NRXN3: variants seen among roughly 807,000 people sequenced by gnomAD.
The protein encoded by NRXN3 is neurexin 3, also known as neurexin III.
A neutral mutation model predicts 137.6 loss-of-function variants in NRXN3; 32 were observed. The ratio of observed to expected loss-of-function variants is 0.23; its 90% CI spans 0.18 to 0.31. The LOEUF (loss-of-function observed/expected upper bound fraction) is 0.31. NRXN3 is among the 10% of genes least tolerant of loss of function. NRXN3 has a pLI of 1.00. For missense variants in NRXN3, 1,574 were observed against 2,062.5 expected (o/e 0.76, Z 4.59); for synonymous variants, 798 against 784.5 (o/e 1.02, Z -0.29).
intron 2 of NRXN3, among the ~76,000 whole-genome samples, chr14:78,269,021 A>T (rs1471996653): frequency 6.6e-6 from 1 of 152,194 alleles, no homozygotes; most frequent in African/African-American, 2.4e-5. Context: ...AACGAATGAT[A>T]TAGCACTCTG....
rs1243436689 is a variant in NRXN3, at chr14:79,048,955, G to A, written c.3262+60814G>A. On this transcript the variant is annotated intron_variant, in intron 15 of 20. Coordinates refer to ENST00000335750, the MANE Select transcript of NRXN3 (RefSeq NM_001330195.2). ...GGAGAATGGCGTGAACCCGGGAGGC[G>A]GAGCTTGCAGTGAGTCGAGATCGCG... Among the ~76,000 whole-genome samples, 11 of 135,640 alleles carry A rather than the reference G, an allele frequency of 8.1e-5. No individual in the cohort carries two copies. The East Asian group carries it at 2.5e-3, about 31-fold the overall frequency. 89.0% of individuals were successfully genotyped at this position (135,640 alleles called of 152,430 possible). A position where few individuals can be genotyped will look rare whatever the true frequency, so the allele number is the denominator to read the frequency against.
intron 16 of NRXN3, among the ~76,000 whole-genome samples, chr14:79,626,188 T>G (rs1165072354): frequency 2.0e-5 from 3 of 151,256 alleles, no homozygotes; most frequent in Non-Finnish European, 4.4e-5. Context: ...TCATCTCAAG[T>G]CTATCCTTTG....
chr14:79,734,939 A>G (rs2098936808), intron 19 of NRXN3, among the ~76,000 whole-genome samples: 1 of 152,188 alleles, frequency 6.6e-6, no homozygotes, highest in African/African-American at 2.4e-5. Context: ...CAGTTGAAGA[A>G]TTCTTATTAA....
chr14:78,550,295 GC>G (rs2096674674), intron 4 of NRXN3, among the ~76,000 whole-genome samples: 1 of 152,090 alleles, frequency 6.6e-6, no homozygotes, highest in Non-Finnish European at 1.5e-5. Context: ...CTCCCACAGT[GC>G]TGGGATGATA....
At chr14:78,621,771 G>T (rs1026100487) in intron 4 of NRXN3, among the ~76,000 whole-genome samples, 11 of 152,158 alleles carry the variant, frequency 7.2e-5, no homozygotes, top group Non-Finnish European at 5.9e-5. Context: ...ACTTGCATCT[G>T]CGGTTTGCTG....
At chr14:78,951,612 A>G (rs1320834487) in intron 10 of NRXN3, among the ~76,000 whole-genome samples, 1 of 151,992 alleles carries the variant, frequency 6.6e-6, no homozygotes, top group Non-Finnish European at 1.5e-5. Context: ...AAATTATCTC[A>G]TGTTCCTTAA....
intron 15 of NRXN3, among the ~76,000 whole-genome samples, chr14:79,125,549 A>G (rs561274718): frequency 3.3e-5 from 5 of 152,136 alleles, no homozygotes; most frequent in African/African-American, 1.2e-4. Flanking sequence ...TGCTTAGACA[A>G]CTCCAGTTCC....
At chr14:79,125,944 T>C (rs534978630) in intron 15 of NRXN3, among the ~76,000 whole-genome samples, 1 of 152,300 alleles carries the variant, frequency 6.6e-6, no homozygotes, top group South Asian at 2.1e-4. Flanking sequence ...AAGCATGTTT[T>C]CTACTTTGTT....
At chr14:78,236,411 G>A (rs181012109) in intron 1 of NRXN3, among the ~76,000 whole-genome samples, 1 of 152,290 alleles carries the variant, frequency 6.6e-6, no homozygotes, top group East Asian at 1.9e-4. Context: ...GAGATGAAGA[G>A]CAATCATTCT....
chr14:79,164,116 A>G (rs1261295087), intron 15 of NRXN3, among the ~76,000 whole-genome samples: 1 of 151,916 alleles, frequency 6.6e-6, no homozygotes, highest in Non-Finnish European at 1.5e-5. Context: ...TAAGTTTTCT[A>G]TGTAGTCCCT....
At chr14:79,587,694 A>T (rs553757618) in intron 16 of NRXN3, among the ~76,000 whole-genome samples, 1 of 152,350 alleles carries the variant, frequency 6.6e-6, no homozygotes, top group African/African-American at 2.4e-5. Context: ...CTGGATTAAG[A>T]CGTATCACAA....
chr14:78,553,440 C>T (rs1376693898), intron 4 of NRXN3, among the ~76,000 whole-genome samples: 1 of 152,126 alleles, frequency 6.6e-6, no homozygotes, highest in African/African-American at 2.4e-5. Context: ...TTCAAGGGTC[C>T]CCATGTTAGG....
intron 19 of NRXN3, among the ~76,000 whole-genome samples, chr14:79,790,647 G>T (rs2099142324): frequency 8.3e-6 from 1 of 120,676 alleles, no homozygotes. Flanking sequence ...TTGAGACAGA[G>T]TCTCGCTCTG....
rs5741998 is a variant in NRXN3 at position 79,719,402 on chromosome 14, G to GTATATATATGTGTGTATATATATATATA, written c.4014+21474_4014+21475insGTGTGTATATATATATATATATATATAT. 4.9e-4 allele frequency among the ~76,000 whole-genome samples: 70 copies of GTATATATATGTGTGTATATATATATATA among 142,302 alleles called. 1 individual carries two copies. Among genetic ancestry groups the GTATATATATGTGTGTATATATATATATA allele is most frequent in the Non-Finnish European group, 8.3e-4 (55 of 66,332 alleles). 93.4% of individuals were successfully genotyped at this position (142,302 alleles called of 152,430 possible). ...TATATGTGTGTGTATATATATGTGT[G>GTATATATATGTGTGTATATATATATATA]TATATATATATATATATACCTTTCC... On this transcript the variant is annotated intron_variant, in intron 19 of 20. Transcript: ENST00000335750.
At chr14:79,599,968 C>G (rs757447032) in intron 16 of NRXN3, among the ~76,000 whole-genome samples, 4 of 152,056 alleles carry the variant, frequency 2.6e-5, no homozygotes, top group Non-Finnish European at 5.9e-5. Flanking sequence ...GCACTCCAGC[C>G]TAGGCAACAG....
At chr14:79,574,246 A>G (rs2097644336) in intron 16 of NRXN3, among the ~76,000 whole-genome samples, 1 of 151,950 alleles carries the variant, frequency 6.6e-6, no homozygotes, top group South Asian at 2.1e-4. Context: ...ACACACATAC[A>G]TATATACATA....
chr14:79,044,244 C>T (rs2221298), intron 15 of NRXN3, among the ~76,000 whole-genome samples: 64,209 of 151,460 alleles, frequency 0.42, 16,941 homozygotes, highest in Non-Finnish European at 0.58. Context: ...TTTTAGTGAC[C>T]GATTGTCCCC....
intron 15 of NRXN3, among the ~76,000 whole-genome samples, chr14:79,391,525 A>T (rs2094844554): frequency 6.6e-6 from 1 of 152,246 alleles, no homozygotes; most frequent in Non-Finnish European, 1.5e-5. Context: ...AAAACTGTAG[A>T]ACATTCTACA....
intron 15 of NRXN3, among the ~76,000 whole-genome samples, chr14:79,211,091 A>G (rs2067590976): frequency 6.6e-6 from 1 of 152,134 alleles, no homozygotes; most frequent in African/African-American, 2.4e-5. Context: ...CTTCATATGC[A>G]GTTGTCAATG....
Sources: allele counts gnomAD v4.1 joint callset (sites outside exome capture counted in the v4.1 genomes callset), GRCh38; gene constraint gnomAD v4.1.1; transcripts MANE v1.5; gene names NCBI Gene and HGNC (gene_info 2026-07-23, HGNC 2026-07-21).